Variants in COL20A1 observed in about 807,000 individuals in gnomAD.
The protein encoded by COL20A1 is collagen type XX alpha 1 chain, also known as collagen alpha-1(XX) chain.
In COL20A1, 164 loss-of-function variants were observed where a neutral mutation model predicts 152.9. The observed-to-expected ratio is 1.07, with a 90% CI of 0.94 to 1.22. COL20A1 has a LOEUF of 1.22. Among genes scored for constraint, COL20A1 ranks in the 50% most tolerant of loss-of-function variants. COL20A1 has a pLI of 0.00. For missense variants in COL20A1, 1,873 were observed against 1,744.8 expected (o/e 1.07, Z -1.31); for synonymous variants, 864 against 756.0 (o/e 1.14, Z -2.34).
rs1206648433 is a variant in COL20A1 at position 63,319,269 on chromosome 20, G to A, written c.2806+69G>A. ...GGGCAGGGAGGCCCCAGAGCCCTGG[G>A]AGGCCTTCAGAGGAAGTCCAGCCTC... On this transcript the variant is annotated intron_variant, in intron 22 of 35. Coordinates refer to ENST00000358894, the MANE Select transcript of COL20A1 (RefSeq NM_020882.4). The surrounding 1 kb of genome is among the most constrained non-coding windows in gnomAD (Gnocchi z 4.4). 2 of 1,490,110 alleles carry A rather than the reference G, an allele frequency of 1.3e-6. No individual in the cohort carries two copies. Among genetic ancestry groups the A allele is most frequent in the South Asian group, 1.3e-5 (1 of 79,508 alleles). 92.3% of individuals were successfully genotyped at this position (1,490,110 alleles called of 1,614,324 possible). A position where few individuals can be genotyped will look rare whatever the true frequency, so the allele number is the denominator to read the frequency against.
At position 63,316,624 on chromosome 20, in the gene COL20A1, C is replaced by A; in HGVS notation, c.2596C>A (p.Pro866Thr). Residue 866 changes from proline (P) to threonine (T), a missense_variant, in exon 21 of 36, where the codon CCC becomes ACC. Transcript: ENST00000358894. ...GTCCATCCGGGGCGTGGCCATGGAGCCCTCTGCCTTCGGTGGGACCCCGAC... is the reference window on the plus strand; with the variant it reads ...GTCCATCCGGGGCGTGGCCATGGAGACCTCTGCCTTCGGTGGGACCCCGAC... ...YASIRGVAME[P>T]SAFGGTPTFT... is the part of the protein sequence containing the mutation. 1 of 1,581,378 alleles carries A rather than the reference C, an allele frequency of 6.3e-7. No homozygotes were observed. Among genetic ancestry groups the A allele is most frequent in the Admixed American group, 1.8e-5 (1 of 55,006 alleles).
At position 63,311,859 on chromosome 20, in the gene COL20A1, C is replaced by A. The variant is rs1405983208; in HGVS notation, c.1664-57C>A. 3.3e-6 allele frequency: 5 copies of A among 1,508,678 alleles called. No homozygotes were observed. In the East Asian group the frequency reaches 1.2e-4, roughly 37 times the overall value. 93.5% of individuals were successfully genotyped at this position (1,508,678 alleles called of 1,614,324 possible). ...CCCCTCGGTCCCAGCCACTGCCCACCCTTGCCCCTGCCATGGAGGCCGCGT... is the reference window on the plus strand; with the variant it reads ...CCCCTCGGTCCCAGCCACTGCCCACACTTGCCCCTGCCATGGAGGCCGCGT... On this transcript the variant is annotated intron_variant, in intron 13 of 35. Coordinates refer to ENST00000358894, the MANE Select transcript of COL20A1 (RefSeq NM_020882.4). This position sits in a 1 kb window ranked among gnomAD's most constrained non-coding sequence, Gnocchi z 4.4.
At position 63,313,131 on chromosome 20, in the gene COL20A1, G is replaced by T. The variant is rs1054415745; in HGVS notation, c.2091G>T (p.Gly697=). ...CCTCTCCCTAGATCTCTGTCCCAGG[G>T]AACCTCGGCACGGCCGTCCTGCCTG... is the stretch of plus-strand genomic sequence containing the variant. ...EGKAHEISVP[G]NLGTAVLPGL... is the part of the protein sequence containing the mutation. The change falls in exon 17 of 36, where the codon GGG becomes GGT. Residue 697 remains glycine, a synonymous_variant. Coordinates refer to ENST00000358894, the MANE Select transcript of COL20A1 (RefSeq NM_020882.4). This position sits in a 1 kb window ranked among gnomAD's most constrained non-coding sequence, Gnocchi z 5.9. The T allele has an allele frequency of 6.2e-7, 1 of 1,609,716 alleles. No homozygotes were observed. The highest frequency in any genetic ancestry group is 1.3e-5 in the African/African-American group (1 of 74,852).
intron 9 of COL20A1, 83 bp downstream of exon 9, chr20:63,309,580 G>C: frequency 7.4e-7 from 1 of 1,349,666 alleles, no homozygotes. Context: ...TGGCTCCCGT[G>C]TGGTACCTGA....
At chr20:63,293,469 G>A (rs2067741765) in intron 1 of COL20A1, among the ~76,000 whole-genome samples, 194 bp downstream of exon 1, 1 of 152,192 alleles carries the variant, frequency 6.6e-6, no homozygotes, top group South Asian at 2.1e-4. Context: ...GGGAGCCCGG[G>A]GCTGCCTGAG....
Position 63,329,660 on chromosome 20 carries a change from AG to A in COL20A1, c.*3+1del. ...AGCACCCAGGGCCTCTGGGAGTGACAGGTGAGCCCCTGCTGCCTGCATCTAT... is the reference window on the plus strand; with the variant it reads ...AGCACCCAGGGCCTCTGGGAGTGACAGTGAGCCCCTGCTGCCTGCATCTAT... On this transcript the variant is annotated splice_region_variant and 3_prime_UTR_variant, in exon 35 of 36. Coordinates refer to ENST00000358894, the MANE Select transcript of COL20A1 (RefSeq NM_020882.4). The A allele has an allele frequency of 6.3e-7, 1 of 1,582,420 alleles. No homozygotes were observed. The highest frequency in any genetic ancestry group is 8.6e-7 in the Non-Finnish European group (1 of 1,168,766).
chr20:63,320,479 G>A, intron 25 of COL20A1, 111 bp downstream of exon 25: 2 of 1,078,790 alleles, frequency 1.9e-6, no homozygotes, highest in East Asian at 2.4e-5. Context: ...CGTGCTGGGA[G>A]AGATCAGGGA....
At chr20:63,314,854 T>C (rs1450151489) in intron 19 of COL20A1, among the ~76,000 whole-genome samples, 3 of 130,534 alleles carry the variant, frequency 2.3e-5, no homozygotes, top group Non-Finnish European at 5.0e-5. Flanking sequence ...GGCATCTCCC[T>C]GGACCCCAGG....
At chr20:63,321,980 G>A in intron 26 of COL20A1, 78 bp from the exon 27 acceptor site, 2 of 1,231,484 alleles carry the variant, frequency 1.6e-6, no homozygotes, top group Non-Finnish European at 1.1e-6. Context: ...GGCCAGGCAT[G>A]GGGCTCAGGG....
At chr20:63,315,574 C>G in intron 20 of COL20A1, 135 bp downstream of exon 20, 1 of 760,214 alleles carries the variant, frequency 1.3e-6, no homozygotes, top group South Asian at 1.8e-5. Context: ...GTTTGTGCCT[C>G]CACAGACGTC....
intron 20 of COL20A1, among the ~76,000 whole-genome samples, chr20:63,315,785 G>A (rs2068076806): frequency 6.6e-6 from 1 of 152,142 alleles, no homozygotes; most frequent in Non-Finnish European, 1.5e-5. Flanking sequence ...TTGCCTGAGA[G>A]TGAGGCCCTC....
chr20:63,320,469 C>T (rs534541744), intron 25 of COL20A1, 101 bp downstream of exon 25: 550 of 1,170,512 alleles, frequency 4.7e-4, no homozygotes, highest in African/African-American at 2.9e-3. Context: ...AGATTGTCAC[C>T]GTGCTGGGAG....
At chr20:63,326,022 TG>T in intron 29 of COL20A1, 73 bp from the exon 30 acceptor site, 1 of 1,335,736 alleles carries the variant, frequency 7.5e-7, no homozygotes, top group Non-Finnish European at 1.1e-6. Context: ...TGGGTGCTGC[TG>T]GGGGGCTGTC....
intron 7 of COL20A1, 49 bp downstream of exon 7, chr20:63,308,139 C>A: frequency 6.3e-7 from 1 of 1,582,984 alleles, no homozygotes; most frequent in South Asian, 1.1e-5. Context: ...GGACCTCCTT[C>A]TGCCGCCCTC....
chr20:63,312,184 G>A, intron 14 of COL20A1, 129 bp downstream of exon 14: 1 of 1,233,880 alleles, frequency 8.1e-7, no homozygotes, highest in South Asian at 1.6e-5. Context: ...CACAGCGGGG[G>A]CACCTGGTGT....
Position 63,313,091 on chromosome 20 carries a change from G to A in COL20A1, c.2077-26G>A. 1.3e-6 allele frequency: 2 copies of A among 1,595,450 alleles called. No homozygotes were observed. The highest frequency in any genetic ancestry group is 1.7e-6 in the Non-Finnish European group (2 of 1,171,756). On this transcript the variant is annotated intron_variant, in intron 16 of 35. Coordinates refer to ENST00000358894, the MANE Select transcript of COL20A1 (RefSeq NM_020882.4). This position sits in a 1 kb window ranked among gnomAD's most constrained non-coding sequence, Gnocchi z 5.9. Reference sequence around the variant, plus strand: ...ACCTGAGGACCCCACTGCACCCGGTGACCCCTGGGGCTCTCCTCTCCCTAG... The same window carrying A: ...ACCTGAGGACCCCACTGCACCCGGTAACCCCTGGGGCTCTCCTCTCCCTAG...
At chr20:63,326,927 C>T (rs1350751760) in intron 31 of COL20A1, 104 bp downstream of exon 31, 6 of 747,014 alleles carry the variant, frequency 8.0e-6, no homozygotes, top group Non-Finnish European at 1.2e-5. Flanking sequence ...AGCTCAGGGA[C>T]TTCCTACTGA....
In COL20A1 at chr20:63,307,563, T is replaced by G; in HGVS notation, c.570T>G (p.Ile190Met). The change falls in exon 6 of 36, where the codon ATT becomes ATG. Residue 190 changes from isoleucine (I) to methionine (M), a missense_variant. Physicochemically the swap from Ile to Met is conservative, Grantham distance 10. Transcript: ENST00000358894. ...MVFLVDGSWS[I>M]GHSHFQQVKD... is the part of the protein sequence containing the mutation. ...TCCTGGTGGACGGGTCCTGGAGCAT[T>G]GGCCACAGTCACTTCCAGCAGGTCA... 6.2e-7 allele frequency: 1 copy of G among 1,612,674 alleles called. No individual in the cohort carries two copies.
rs944276979 is a variant in COL20A1 at position 63,328,239 on chromosome 20, G to C, written c.3614-92G>C. The stretch of plus-strand genomic sequence containing the variant: ...GGGAGGCCGCCTTCACCCATCGTTA[G>C]CACACCTGGGCCAGGTGTCCTGGCG... On this transcript the variant is annotated intron_variant, in intron 33 of 35. Transcript: ENST00000358894. The C allele has an allele frequency of 7.7e-6, 12 of 1,553,034 alleles. No homozygotes were observed. The African/African-American group carries it at 1.5e-4, about 19-fold the overall frequency.
Sources: allele counts gnomAD v4.1 joint callset (sites outside exome capture counted in the v4.1 genomes callset), GRCh38; gene constraint gnomAD v4.1.1; non-coding constraint Gnocchi (gnomAD v3.1); transcripts MANE v1.5; gene names NCBI Gene and HGNC (gene_info 2026-07-23, HGNC 2026-07-21).